The following IMMP2L variants were observed in gnomAD, a reference collection of about 807,000 sequenced individuals.
The protein encoded by IMMP2L is mitochondrial inner membrane protease subunit 2.
A neutral mutation model predicts 19.3 loss-of-function variants in IMMP2L; 18 were observed. The observed-to-expected ratio is 0.93, with a 90% confidence interval of 0.64 to 1.38. The LOEUF is 1.38. IMMP2L is among the 40% of genes most tolerant of loss of function. IMMP2L has a pLI of 0.00. For synonymous variants in IMMP2L, 76 were observed against 73.0 expected (o/e 1.04, Z -0.21); for missense variants, 233 against 218.2 (o/e 1.07, Z -0.43).
chr7:111,151,154 T>C (rs1432730858), intron 3 of IMMP2L, among the ~76,000 whole-genome samples: 3 of 152,188 alleles, frequency 2.0e-5, no homozygotes, highest in African/African-American at 7.2e-5. Flanking sequence ...CCTGCCAGTG[T>C]ACCTGAGCAT....
chr7:111,402,991 A>AGCCC (rs1833571746), intron 3 of IMMP2L, among the ~76,000 whole-genome samples: 1 of 45,506 alleles, frequency 2.2e-5, no homozygotes, highest in Non-Finnish European at 4.0e-5. Flanking sequence ...TGCAGCCTTG[A>AGCCC]CCCCCCCCCC....
At chr7:111,203,452 G>A (rs1562922391) in intron 3 of IMMP2L, among the ~76,000 whole-genome samples, 1 of 151,966 alleles carries the variant, frequency 6.6e-6, no homozygotes, top group East Asian at 1.9e-4. Context: ...TATTGGGGAA[G>A]GTGTTACTTT....
intron 3 of IMMP2L, among the ~76,000 whole-genome samples, chr7:111,314,534 T>A (rs945851385): frequency 1.3e-5 from 2 of 152,132 alleles, no homozygotes; most frequent in Non-Finnish European, 2.9e-5. Flanking sequence ...CTAGAGTGAA[T>A]AAGATGAGGA....
chr7:111,302,286 T>C (rs1276846851), intron 3 of IMMP2L, among the ~76,000 whole-genome samples: 8 of 152,080 alleles, frequency 5.3e-5, no homozygotes, highest in African/African-American at 1.9e-4. Flanking sequence ...ACCTGAAAAT[T>C]TTATCATTTA....
chr7:110,804,674 T>C lies in IMMP2L; in HGVS notation c.408+81919A>G, dbSNP rs1467929281. Among the ~76,000 whole-genome samples, 11 of 152,186 alleles carry C rather than the reference T, an allele frequency of 7.2e-5. No homozygotes were observed. The East Asian group carries it at 2.1e-3, about 30-fold the overall frequency. ...GATGTGCGAAAAGTGAGGAATGCAATTTCTAGTTATTTTCAACTTAAAGAC... is the reference window on the plus strand; with the variant it reads ...GATGTGCGAAAAGTGAGGAATGCAACTTCTAGTTATTTTCAACTTAAAGAC... On this transcript the variant is annotated intron_variant, in intron 5 of 5. Transcript: ENST00000405709.
chr7:110,819,599 T>G (rs746587737), intron 5 of IMMP2L, among the ~76,000 whole-genome samples: 3 of 152,018 alleles, frequency 2.0e-5, no homozygotes, highest in East Asian at 1.9e-4. Context: ...CAACATGTAA[T>G]TGTTAGGTAC....
chr7:110,901,428 A>G (rs1420682619), intron 4 of IMMP2L, among the ~76,000 whole-genome samples: 1 of 152,148 alleles, frequency 6.6e-6, no homozygotes, highest in Non-Finnish European at 1.5e-5. Context: ...TTCATATACT[A>G]TCTTAAATTG....
intron 3 of IMMP2L, among the ~76,000 whole-genome samples, chr7:111,021,825 G>C (rs1307669242): frequency 6.6e-6 from 1 of 152,190 alleles, no homozygotes; most frequent in Non-Finnish European, 1.5e-5. Flanking sequence ...AGAGGTTGCA[G>C]TGAGCCAAGA....
intron 3 of IMMP2L, among the ~76,000 whole-genome samples, chr7:111,164,701 T>A (rs1005317806): frequency 1.3e-5 from 2 of 152,056 alleles, no homozygotes; most frequent in Non-Finnish European, 2.9e-5. Context: ...AAGGGCATAA[T>A]TAATTATAGG....
chr7:111,128,034 T>C (rs1801486760), intron 3 of IMMP2L, among the ~76,000 whole-genome samples: 1 of 152,124 alleles, frequency 6.6e-6, no homozygotes, highest in African/African-American at 2.4e-5. Context: ...TGAAACAGAT[T>C]TATGGTACAT....
intron 5 of IMMP2L, among the ~76,000 whole-genome samples, chr7:110,750,154 T>G (rs1797632203): frequency 6.6e-6 from 1 of 152,114 alleles, no homozygotes; most frequent in South Asian, 2.1e-4. Context: ...AGGAATTTTT[T>G]TAAACTTCTA....
chr7:111,459,243 T>G (rs932322542), intron 3 of IMMP2L, among the ~76,000 whole-genome samples: 2 of 152,108 alleles, frequency 1.3e-5, no homozygotes, highest in Non-Finnish European at 2.9e-5. Flanking sequence ...TAATAATATC[T>G]CCTTAGTGTA....
At chr7:111,171,613 T>C (rs779077862) in intron 3 of IMMP2L, among the ~76,000 whole-genome samples, 23 of 151,536 alleles carry the variant, frequency 1.5e-4, no homozygotes, top group Non-Finnish European at 2.7e-4. Flanking sequence ...AAGATTATAG[T>C]CATAATGTAT....
chr7:111,143,229 G>C (rs1803125941), intron 3 of IMMP2L, among the ~76,000 whole-genome samples: 1 of 152,116 alleles, frequency 6.6e-6, no homozygotes, highest in African/African-American at 2.4e-5. Flanking sequence ...TTATGATACT[G>C]TATAAATATT....
chr7:110,718,499 A>G (rs771108697), intron 5 of IMMP2L, among the ~76,000 whole-genome samples: 27 of 152,222 alleles, frequency 1.8e-4, no homozygotes, highest in Admixed American at 3.3e-4. Flanking sequence ...TGTTTTTAGT[A>G]TAAAAACCAA....
chr7:110,812,137 A>G (rs1802085970), intron 5 of IMMP2L, among the ~76,000 whole-genome samples: 1 of 152,104 alleles, frequency 6.6e-6, no homozygotes, highest in Non-Finnish European at 1.5e-5. Context: ...GTTTCTAAAT[A>G]GAGTGGTACA....
chr7:110,732,322 C>G (rs189148582), intron 5 of IMMP2L, among the ~76,000 whole-genome samples: 6 of 152,290 alleles, frequency 3.9e-5, no homozygotes, highest in African/African-American at 1.4e-4. Flanking sequence ...TTAGTAATAG[C>G]TAGCTGCTTT....
chr7:111,186,641 G>A (rs1015702571), intron 3 of IMMP2L, among the ~76,000 whole-genome samples: 8 of 152,032 alleles, frequency 5.3e-5, no homozygotes, highest in Admixed American at 3.9e-4. Context: ...TTGTTAGCCA[G>A]GCTGGTCTCA....
chr7:110,804,980 G>T (rs1006496247), intron 5 of IMMP2L, among the ~76,000 whole-genome samples: 2 of 152,060 alleles, frequency 1.3e-5, no homozygotes, highest in African/African-American at 4.8e-5. Flanking sequence ...GAAAACTCCT[G>T]AAATTAAATA....
Sources: gnomAD v4.1 joint callset for allele counts (sites outside exome capture counted in the v4.1 genomes callset) on GRCh38, gnomAD v4.1.1 for gene constraint, MANE v1.5 for transcripts, NCBI Gene and HGNC (gene_info 2026-07-23, HGNC 2026-07-21) for gene names.